Variants in CUL1 observed in about 807,000 individuals in gnomAD.
CUL1 encodes the protein cullin-1.
Under a neutral mutation model 118.0 loss-of-function variants are expected in CUL1, and 24 were observed. That is an observed-to-expected ratio of 0.20 (90% CI 0.15 to 0.29). The LOEUF is 0.29. Among genes scored for constraint, CUL1 ranks in the 10% least tolerant of loss-of-function variants. The pLI is 1.00. For synonymous variants in CUL1, 332 were observed against 340.4 expected (o/e 0.98, Z 0.27); for missense variants, 361 against 933.8 (o/e 0.39, Z 7.99).
rs1023451122 is a variant in CUL1, at chr7:148,739,438, G to A, written c.140+9176G>A. 4.6e-5 allele frequency among the ~76,000 whole-genome samples: 7 copies of A among 152,180 alleles called. No homozygotes were observed. In the South Asian group the frequency reaches 1.2e-3, roughly 27 times the overall value. ...GCACAGTTGATCCTGTTCTTTAGGCGAAGGTGCCCTAAACCGGGGGCACCT... is the reference window on the plus strand; with the variant it reads ...GCACAGTTGATCCTGTTCTTTAGGCAAAGGTGCCCTAAACCGGGGGCACCT... On this transcript the variant is annotated intron_variant, in intron 2 of 21. Transcript: ENST00000325222.
chr7:148,793,443 A>G (rs959968129), intron 17 of CUL1, among the ~76,000 whole-genome samples: 2 of 152,158 alleles, frequency 1.3e-5, no homozygotes, highest in African/African-American at 2.4e-5. Context: ...AGAAACCTGC[A>G]CCCATTAGCA....
At chr7:148,751,572 T>A (rs1224352611) in intron 2 of CUL1, among the ~76,000 whole-genome samples, 1 of 150,222 alleles carries the variant, frequency 6.7e-6, no homozygotes, top group Non-Finnish European at 1.5e-5. Context: ...TGTCACTTTG[T>A]CACTTAGTAT....
chr7:148,780,032 T>C (rs1389747285), intron 9 of CUL1, among the ~76,000 whole-genome samples: 1 of 152,252 alleles, frequency 6.6e-6, no homozygotes, highest in Non-Finnish European at 1.5e-5. Flanking sequence ...GGACTTAGAC[T>C]GGCTCTCCTT....
At chr7:148,764,229 A>G (rs1445415292) in intron 7 of CUL1, among the ~76,000 whole-genome samples, 1 of 152,142 alleles carries the variant, frequency 6.6e-6, no homozygotes, top group Non-Finnish European at 1.5e-5. Flanking sequence ...GCATACTTTT[A>G]TTTAGTCATT....
intron 7 of CUL1, among the ~76,000 whole-genome samples, chr7:148,765,479 A>G (rs1457787059): frequency 6.6e-6 from 1 of 152,142 alleles, no homozygotes; most frequent in African/African-American, 2.4e-5. Context: ...AAAATTAAAA[A>G]GTTAGCCGGG....
rs567685317 is a variant in CUL1, at chr7:148,787,394, A to G, written c.1479+274A>G. 1.1e-3 allele frequency among the ~76,000 whole-genome samples: 167 copies of G among 151,422 alleles called. 1 individual carries two copies. Among genetic ancestry groups the G allele is most frequent in the Non-Finnish European group, 2.0e-3 (135 of 67,760 alleles). On this transcript the variant is annotated intron_variant, in intron 13 of 21. Transcript: ENST00000325222. This position sits in a 1 kb window ranked among gnomAD's most constrained non-coding sequence, Gnocchi z 5.5. ...GGAGAATGGCATGAACCCGGGAGGC[A>G]GAGGTTGCGGTGAGCCGAGATCACA...
chr7:148,791,491 T>C (rs966196817), intron 16 of CUL1, among the ~76,000 whole-genome samples: 4 of 152,258 alleles, frequency 2.6e-5, no homozygotes, highest in South Asian at 2.1e-4. Flanking sequence ...TCCCCAAATA[T>C]ACATAGAAGA....
chr7:148,699,748 A>G (rs1207362217), intron 1 of CUL1, among the ~76,000 whole-genome samples: 3 of 152,046 alleles, frequency 2.0e-5, no homozygotes, highest in African/African-American at 4.8e-5. Flanking sequence ...CGAACCGGAC[A>G]GAGCCCCCCG....
At chr7:148,767,847 C>A in intron 9 of CUL1, 98 bp downstream of exon 9, 2 of 1,215,258 alleles carry the variant, frequency 1.6e-6, no homozygotes, top group East Asian at 2.4e-5. Flanking sequence ...CTAAATGGTA[C>A]CATTTTCATT....
At chr7:148,738,929 G>A (rs1255468793) in intron 2 of CUL1, among the ~76,000 whole-genome samples, 3 of 152,146 alleles carry the variant, frequency 2.0e-5, no homozygotes, top group Admixed American at 6.5e-5. Context: ...TGTGCATGTT[G>A]AGGCAACAGG....
chr7:148,712,764 T>G (rs1055894443), intron 1 of CUL1, among the ~76,000 whole-genome samples: 2 of 152,210 alleles, frequency 1.3e-5, no homozygotes, highest in Non-Finnish European at 1.5e-5. Flanking sequence ...GCGCAGAAGT[T>G]AAGGAATCTG....
chr7:148,766,476 A>G, intron 7 of CUL1, 85 bp from the exon 8 acceptor site: 1 of 1,162,510 alleles, frequency 8.6e-7, no homozygotes, highest in Non-Finnish European at 1.2e-6. Context: ...GCCATTTTTC[A>G]GTTTCCTTTA....
chr7:148,702,083 A>T (rs1403997501), intron 1 of CUL1, among the ~76,000 whole-genome samples: 2 of 152,346 alleles, frequency 1.3e-5, no homozygotes, highest in Admixed American at 6.5e-5. Context: ...AATGAGCATT[A>T]AATGAAAAAT....
Position 148,800,407 on chromosome 7 carries a change from G to T in CUL1, c.2251-95G>T. 1.0e-6 allele frequency: 1 copy of T among 958,990 alleles called. No homozygotes were observed. 59.4% of individuals were successfully genotyped at this position (958,990 alleles called of 1,614,324 possible). ...CTCCCCACTGAGCTCCGAATCAGGG[G>T]AGATTTGTGGTGGGGGCAGCCTCTC... is the stretch of plus-strand genomic sequence containing the variant. On this transcript the variant is annotated intron_variant, in intron 21 of 21. Transcript: ENST00000325222. The surrounding 1 kb of genome is among the most constrained non-coding windows in gnomAD (Gnocchi z 4.6).
intron 15 of CUL1, 57 bp from the exon 16 acceptor site, chr7:148,790,253 G>A (rs748183950): frequency 4.6e-4 from 724 of 1,583,572 alleles, no homozygotes; most frequent in Non-Finnish European, 5.6e-4. Flanking sequence ...ACTTAGAAAC[G>A]CTGCCTGTAG....
rs190842434 is a variant in CUL1, at chr7:148,742,807, T to G, written c.141-11169T>G. On this transcript the variant is annotated intron_variant, in intron 2 of 21. Coordinates refer to ENST00000325222, the MANE Select transcript of CUL1 (RefSeq NM_003592.3). ...AGTAGAGACTGGGTGTTTGACCATG[T>G]TGGCCAGGCTAGTCTCAAACTCCTG... Among the ~76,000 whole-genome samples the G allele has an allele frequency of 1.5e-3, 233 of 152,244 alleles. 3 individuals are homozygous for G. The East Asian group carries it at 0.038, about 25-fold the overall frequency.
In CUL1 at chr7:148,762,868, C is replaced by T. The variant is rs561156150; in HGVS notation, c.789+2372C>T. ...TCTGTTTTTAAAACCAGGCCTAGGC[C>T]GGGCGCGGTGGCTCACGCCTGTGAT... is the stretch of plus-strand genomic sequence containing the variant. On this transcript the variant is annotated intron_variant, in intron 7 of 21. Coordinates refer to ENST00000325222, the MANE Select transcript of CUL1 (RefSeq NM_003592.3). Among the ~76,000 whole-genome samples the T allele has an allele frequency of 4.3e-4, 65 of 152,336 alleles. 1 individual carries two copies. The highest frequency in any genetic ancestry group is 1.4e-3 in the African/African-American group (58 of 41,570).
chr7:148,795,409 C>A (rs1475188492), intron 17 of CUL1, among the ~76,000 whole-genome samples: 1 of 151,856 alleles, frequency 6.6e-6, no homozygotes, highest in Non-Finnish European at 1.5e-5. Flanking sequence ...TGGGATTACA[C>A]AGGCATGAGC....
At chr7:148,783,570 G>T (rs1213032911) in intron 9 of CUL1, 3 of 1,469,044 alleles carry the variant, frequency 2.0e-6, no homozygotes, top group African/African-American at 2.8e-5. Context: ...TGAGTGTGGA[G>T]AATAGATTGT....
Sources: allele counts gnomAD v4.1 joint callset (sites outside exome capture counted in the v4.1 genomes callset), GRCh38; gene constraint gnomAD v4.1.1; non-coding constraint Gnocchi (gnomAD v3.1); transcripts MANE v1.5; gene names NCBI Gene and HGNC (gene_info 2026-07-23, HGNC 2026-07-21).